Variants in KIF16B observed in about 807,000 individuals in gnomAD.
KIF16B encodes the protein kinesin family member 16B.
KIF16B carries 98 observed loss-of-function variants against 156.3 expected under a neutral mutation model. The observed-to-expected ratio is 0.63, with a 90% CI of 0.53 to 0.74. KIF16B has a LOEUF of 0.74. Among genes scored for constraint, KIF16B ranks in the 30% least tolerant of loss-of-function variants. KIF16B has a pLI of 0.00. For synonymous variants in KIF16B, 564 were observed against 583.7 expected, an observed-to-expected ratio of 0.97 and a Z score of 0.49; for missense variants, 1,421 against 1,606.5, an observed-to-expected ratio of 0.88 and a Z score of 1.97.
intron 12 of KIF16B, among the ~76,000 whole-genome samples, chr20:16,432,416 C>T (rs903532522): frequency 1.3e-4 from 20 of 152,288 alleles, no homozygotes; most frequent in African/African-American, 4.6e-4. Flanking sequence ...AGACACACCT[C>T]TGTAACTCCA....
Position 16,331,847 on chromosome 20 carries a change from T to C in KIF16B, c.3711+4079A>G, listed in dbSNP as rs138610426. Among the ~76,000 whole-genome samples, 5 of 152,288 alleles carry C rather than the reference T, an allele frequency of 3.3e-5. No individual in the cohort carries two copies. The East Asian group carries it at 9.7e-4, about 29-fold the overall frequency. On this transcript the variant is annotated intron_variant, in intron 24 of 25. Transcript: ENST00000354981. Reference sequence around the variant, plus strand: ...TCCACTTGGAGGAGCAGATTAGCATTATTTACAGAGATGGTAATAATATAA... The same window carrying C: ...TCCACTTGGAGGAGCAGATTAGCATCATTTACAGAGATGGTAATAATATAA...
intron 1 of KIF16B, among the ~76,000 whole-genome samples, chr20:16,560,443 C>T (rs1181138702): frequency 1.3e-5 from 2 of 152,166 alleles, no homozygotes; most frequent in Admixed American, 6.5e-5. Flanking sequence ...CCACAGGCCC[C>T]TGGGGCAAAG....
chr20:16,505,721 C>T lies in KIF16B; in HGVS notation c.1000+1G>A, dbSNP rs779111610. 7.4e-6 allele frequency: 12 copies of T among 1,611,374 alleles called. No homozygotes were observed. The highest frequency in any genetic ancestry group is 9.3e-6 in the Non-Finnish European group (11 of 1,178,500). On this transcript the variant is annotated splice_donor_variant, in intron 9 of 25. Coordinates refer to ENST00000354981, the MANE Select transcript of KIF16B (RefSeq NM_024704.5). LOFTEE classifies it high-confidence loss of function. Reference sequence around the variant, plus strand: ...TCAGAAAAGTAACTTAAAACTCTTACTGGCAATCATGATAGTTTTAGAGTT... The same window carrying T: ...TCAGAAAAGTAACTTAAAACTCTTATTGGCAATCATGATAGTTTTAGAGTT...
chr20:16,325,324 G>C (rs968123941), intron 24 of KIF16B, among the ~76,000 whole-genome samples: 2 of 151,528 alleles, frequency 1.3e-5, no homozygotes, highest in Admixed American at 6.6e-5. Flanking sequence ...ACAAGAGAAA[G>C]AAAGAAAGGG....
rs199774849 is a variant in KIF16B at position 16,410,978 on chromosome 20, A to G, written c.1613-4522T>C. Among the ~76,000 whole-genome samples the G allele has an allele frequency of 4.2e-4, 64 of 152,114 alleles. No individual in the cohort carries two copies. The South Asian group carries it at 6.0e-3, about 14-fold the overall frequency. On this transcript the variant is annotated intron_variant, in intron 15 of 25. Coordinates refer to ENST00000354981, the MANE Select transcript of KIF16B (RefSeq NM_024704.5). The stretch of plus-strand genomic sequence containing the variant: ...AATGCCAAAACGGTGATGTTTCATC[A>G]GCATTACAGACTTGGTTCTGGTGTC...
intron 1 of KIF16B, among the ~76,000 whole-genome samples, chr20:16,557,346 A>AT (rs1243305902): frequency 6.6e-6 from 1 of 151,796 alleles, no homozygotes; most frequent in Non-Finnish European, 1.5e-5. Flanking sequence ...CGCCCGGCTA[A>AT]TTTTTGTAAT....
intron 22 of KIF16B, chr20:16,368,137 A>G: frequency 8.6e-7 from 1 of 1,169,042 alleles, no homozygotes; most frequent in Non-Finnish European, 1.1e-6. Flanking sequence ...CACATGCCTA[A>G]GAAGGTCTTT....
In KIF16B at chr20:16,326,026, C is replaced by G. The variant is rs560514480; in HGVS notation, c.3711+9900G>C. Among the ~76,000 whole-genome samples, 5 of 152,096 alleles carry G rather than the reference C, an allele frequency of 3.3e-5. No homozygotes were observed. The South Asian group carries it at 1.0e-3, about 32-fold the overall frequency. ...TACAGCCAACTGATCTTTGACAAAG[C>G]AAATAAAAACATAAAGTGGGGACAG... On this transcript the variant is annotated intron_variant, in intron 24 of 25. Coordinates refer to ENST00000354981, the MANE Select transcript of KIF16B (RefSeq NM_024704.5).
chr20:16,363,731 G>A (rs2064598525), intron 22 of KIF16B, among the ~76,000 whole-genome samples: 1 of 152,178 alleles, frequency 6.6e-6, no homozygotes, highest in East Asian at 1.9e-4. Flanking sequence ...GGAGCAGACC[G>A]ACCCTGGTTG....
In KIF16B at chr20:16,515,540, C is replaced by A; in HGVS notation, c.348+8G>T. Reference sequence around the variant, plus strand: ...AAATTTCCTTCCCACACAGTATAAACAACGTACAGAATTTCCCATCATAGT... The same window carrying A: ...AAATTTCCTTCCCACACAGTATAAAAAACGTACAGAATTTCCCATCATAGT... On this transcript the variant is annotated splice_region_variant and intron_variant, in intron 4 of 25. Transcript: ENST00000354981. 7.0e-7 allele frequency: 1 copy of A among 1,423,518 alleles called. No individual in the cohort carries two copies. Among genetic ancestry groups the A allele is most frequent in the Non-Finnish European group, 9.9e-7 (1 of 1,006,540 alleles). 88.2% of individuals were successfully genotyped at this position (1,423,518 alleles called of 1,614,324 possible).
chr20:16,414,947 T>G (rs2146336496), intron 15 of KIF16B, among the ~76,000 whole-genome samples: 1 of 152,276 alleles, frequency 6.6e-6, no homozygotes, highest in Non-Finnish European at 1.5e-5. Flanking sequence ...CGTTAGATGA[T>G]TTTGCCCAGT....
chr20:16,423,127 G>A (rs1245357668), intron 15 of KIF16B, among the ~76,000 whole-genome samples: 1 of 151,872 alleles, frequency 6.6e-6, no homozygotes, highest in Non-Finnish European at 1.5e-5. Context: ...GTATAAGCAG[G>A]GAAAGGTTAT....
intron 22 of KIF16B, chr20:16,367,282 T>C (rs1352968069): frequency 1.2e-6 from 2 of 1,612,906 alleles, no homozygotes; most frequent in South Asian, 1.1e-5. Context: ...ATTTGGGGCT[T>C]CCTGAAGGTG....
intron 4 of KIF16B, among the ~76,000 whole-genome samples, chr20:16,514,455 C>A (rs1600593010): frequency 6.6e-6 from 1 of 151,928 alleles, no homozygotes; most frequent in Non-Finnish European, 1.5e-5. Flanking sequence ...AACCTCCAAA[C>A]CTTCAGCATT....
At chr20:16,273,461 G>T in intron 25 of KIF16B, 50 bp from the exon 26 acceptor site, 1 of 1,538,180 alleles carries the variant, frequency 6.5e-7, no homozygotes, top group Non-Finnish European at 9.0e-7. Flanking sequence ...AGGTCAAGGC[G>T]GGTGGGATCG....
intron 12 of KIF16B, among the ~76,000 whole-genome samples, chr20:16,431,933 C>CACACACACACACAT (rs774657964): frequency 1.3e-4 from 19 of 151,346 alleles, no homozygotes; most frequent in Middle Eastern, 3.4e-3. Flanking sequence ...CACACACACA[C>CACACACACACACAT]ACACACGCAC....
chr20:16,312,663 ATC>A (rs2063637081), intron 24 of KIF16B, among the ~76,000 whole-genome samples: 1 of 152,172 alleles, frequency 6.6e-6, no homozygotes, highest in Non-Finnish European at 1.5e-5. Context: ...GGAAGAATGA[ATC>A]TGATTCTCAA....
intron 12 of KIF16B, among the ~76,000 whole-genome samples, chr20:16,433,868 A>G (rs1300785142): frequency 6.6e-6 from 1 of 152,192 alleles, no homozygotes; most frequent in East Asian, 1.9e-4. Context: ...CGTATAAAAT[A>G]TTTATTGAGT....
At chr20:16,563,088 A>G (rs1431451871) in intron 1 of KIF16B, among the ~76,000 whole-genome samples, 2 of 152,274 alleles carry the variant, frequency 1.3e-5, no homozygotes, top group East Asian at 3.8e-4. Context: ...GTCTATAAAT[A>G]AATGACTGAT....
Sources: gnomAD v4.1 joint callset for allele counts (sites outside exome capture counted in the v4.1 genomes callset) on GRCh38, gnomAD v4.1.1 for gene constraint, MANE v1.5 for transcripts, NCBI Gene and HGNC (gene_info 2026-07-23, HGNC 2026-07-21) for gene names.